Variants in CFTR observed in about 807,000 individuals in gnomAD.
CFTR encodes the protein CF transmembrane conductance regulator.
A neutral mutation model predicts 171.6 loss-of-function variants in CFTR; 181 were observed. That is an observed-to-expected ratio of 1.05 (90% CI 0.93 to 1.19). CFTR has a LOEUF of 1.19. Ranked by LOEUF, CFTR falls within the 50% of genes most tolerant of loss-of-function variation. The pLI is 0.00. For synonymous variants in CFTR, 583 were observed against 608.0 expected (o/e 0.96, Z 0.60); for missense variants, 1,968 against 1,734.7 (o/e 1.13, Z -2.39).
intron 11 of CFTR, among the ~76,000 whole-genome samples, chr7:117,571,729 C>T (rs1385940843): frequency 6.6e-6 from 1 of 152,032 alleles, no homozygotes; most frequent in Non-Finnish European, 1.5e-5. Flanking sequence ...TTTTCAAAAA[C>T]AAATACAAAT....
intron 7 of CFTR, among the ~76,000 whole-genome samples, chr7:117,537,337 T>G (rs1336266289): frequency 6.6e-6 from 1 of 152,206 alleles, no homozygotes; most frequent in African/African-American, 2.4e-5. Context: ...CAGACTGAGA[T>G]ATGATTACTG....
intron 15 of CFTR, among the ~76,000 whole-genome samples, chr7:117,599,477 A>G (rs1792189272): frequency 6.6e-6 from 1 of 152,176 alleles, no homozygotes. Context: ...AAATTACAAC[A>G]GAGAATATAA....
chr7:117,627,830 C>G, intron 22 of CFTR, 60 bp downstream of exon 22: 2 of 1,537,614 alleles, frequency 1.3e-6, no homozygotes. Context: ...TCCCAGTAGC[C>G]TGAAGCAATG....
chr7:117,650,039 G>A (rs1172313415), intron 23 of CFTR, among the ~76,000 whole-genome samples: 2 of 152,098 alleles, frequency 1.3e-5, no homozygotes, highest in Non-Finnish European at 2.9e-5. Flanking sequence ...GAAGAGAATG[G>A]AGAAGGGCAC....
intron 24 of CFTR, among the ~76,000 whole-genome samples, chr7:117,654,895 A>T (rs1793144544): frequency 1.3e-5 from 2 of 152,148 alleles, no homozygotes; most frequent in Non-Finnish European, 2.9e-5. Context: ...TCCCTACCCC[A>T]GGCCTCTGCA....
intron 3 of CFTR, among the ~76,000 whole-genome samples, chr7:117,510,360 T>C (rs1038132617): frequency 2.0e-5 from 3 of 152,172 alleles, no homozygotes; most frequent in Middle Eastern, 3.2e-3. Context: ...GAAAATAAGT[T>C]TTGCTGGTTG....
At chr7:117,577,181 C>T (rs1325018620) in intron 11 of CFTR, among the ~76,000 whole-genome samples, 1 of 152,108 alleles carries the variant, frequency 6.6e-6, no homozygotes, top group Admixed American at 6.6e-5. Flanking sequence ...TGATGGAAGT[C>T]ATGGTGAGTT....
intron 15 of CFTR, among the ~76,000 whole-genome samples, chr7:117,597,633 G>A (rs1249648051): frequency 6.6e-6 from 1 of 152,190 alleles, no homozygotes; most frequent in Non-Finnish European, 1.5e-5. Context: ...GGCAATTACT[G>A]TTTAAATGAA....
At chr7:117,499,923 A>G (rs1390347506) in intron 1 of CFTR, among the ~76,000 whole-genome samples, 1 of 152,198 alleles carries the variant, frequency 6.6e-6, no homozygotes, top group Non-Finnish European at 1.5e-5. Context: ...GTTATGAATG[A>G]AAGAGAAGGA....
At chr7:117,596,832 C>A (rs1792137182) in intron 15 of CFTR, among the ~76,000 whole-genome samples, 1 of 152,172 alleles carries the variant, frequency 6.6e-6, no homozygotes. Flanking sequence ...GTAAATACAC[C>A]AATCAGCACT....
At chr7:117,603,835 T>C in intron 17 of CFTR, 53 bp downstream of exon 17, 2 of 1,601,542 alleles carry the variant, frequency 1.2e-6, no homozygotes, top group South Asian at 1.1e-5. Flanking sequence ...CAATAGGGCC[T>C]GTGGTTTTGT....
chr7:117,498,543 T>C (rs1436145882), intron 1 of CFTR, among the ~76,000 whole-genome samples: 1 of 152,220 alleles, frequency 6.6e-6, no homozygotes, highest in Admixed American at 6.5e-5. Flanking sequence ...GTCCTACTTT[T>C]ACTATGATTC....
At chr7:117,606,800 A>C (rs537062304) in intron 18 of CFTR, 47 bp downstream of exon 18, 5 of 1,052,500 alleles carry the variant, frequency 4.8e-6, no homozygotes, top group African/African-American at 4.7e-5. Flanking sequence ...TATTAAAAAA[A>C]CAATAACAAA....
rs397508763 is a variant in CFTR, at chr7:117,535,249, G to T, written c.581G>T (p.Gly194Val). ...TTTTGCTGTGCTTTTATTTTCCAGGGACTTGCATTGGCACATTTCGTGTGG... is the reference window on the plus strand; with the variant it reads ...TTTTGCTGTGCTTTTATTTTCCAGGTACTTGCATTGGCACATTTCGTGTGG... ...LSNNLNKFDE[G>V]LALAHFVWIA... Residue 194 changes from glycine to valine, a missense_variant and splice_region_variant, in exon 6 of 27, where the codon GGA becomes GTA. By Grantham distance (109) the Gly-to-Val change is moderately radical (BLOSUM62 -3). Transcript: ENST00000003084. The T allele has an allele frequency of 6.2e-6, 10 of 1,613,926 alleles. No homozygotes were observed. Among genetic ancestry groups the T allele is most frequent in the Non-Finnish European group, 7.6e-6 (9 of 1,179,974 alleles).
chr7:117,666,812 T>A (rs886148409), intron 26 of CFTR, 96 bp from the exon 27 acceptor site: 2 of 1,042,198 alleles, frequency 1.9e-6, no homozygotes, highest in African/African-American at 3.1e-5. Flanking sequence ...TTGCATTCTT[T>A]GACTTTTATT....
chr7:117,587,949 G>A, intron 12 of CFTR, 116 bp downstream of exon 12: 1 of 711,094 alleles, frequency 1.4e-6, no homozygotes, highest in South Asian at 1.5e-5. Context: ...AAAAATCCTG[G>A]GGTTTTATGG....
intron 1 of CFTR, among the ~76,000 whole-genome samples, chr7:117,501,832 C>A (rs1281798171): frequency 6.8e-6 from 1 of 146,538 alleles, no homozygotes; most frequent in Non-Finnish European, 1.5e-5. Context: ...TTATCACTTC[C>A]TAATTATTTT....
chr7:117,559,746 T>C, intron 11 of CFTR, 91 bp downstream of exon 11: 2 of 851,096 alleles, frequency 2.3e-6, no homozygotes, highest in South Asian at 2.9e-5. Context: ...AATCGGTTAG[T>C]CTACATATAT....
At chr7:117,587,712 T>A (rs754533973) in intron 11 of CFTR, 27 bp from the exon 12 acceptor site, 1 of 1,292,314 alleles carries the variant, frequency 7.7e-7, no homozygotes. Flanking sequence ...TAAAAGTGAC[T>A]CTCTAATTTT....
Sources: allele counts gnomAD v4.1 joint callset (sites outside exome capture counted in the v4.1 genomes callset), GRCh38; gene constraint gnomAD v4.1.1; transcripts MANE v1.5; gene names NCBI Gene and HGNC (gene_info 2026-07-23, HGNC 2026-07-21).